GRIA1: variants seen among roughly 807,000 people sequenced by gnomAD.
GRIA1 encodes glutamate ionotropic receptor AMPA type subunit 1.
A neutral mutation model predicts 99.2 loss-of-function variants in GRIA1; 31 were observed. The observed-to-expected ratio is 0.31, with a 90% confidence interval of 0.23 to 0.42. The LOEUF (loss-of-function observed/expected upper bound fraction) is 0.42. Ranked by LOEUF, GRIA1 falls within the 10% of genes least tolerant of loss-of-function variation. The probability of loss-of-function intolerance (pLI) is 1.00; values close to 1 mark genes in which losing one functional copy is unlikely to be tolerated. For missense variants in GRIA1, 782 were observed against 1,157.5 expected (o/e 0.68, Z 4.71); for synonymous variants, 438 against 432.4 (o/e 1.01, Z -0.16).
At chr5:153,639,827 A>G (rs1753662837) in intron 2 of GRIA1, among the ~76,000 whole-genome samples, 1 of 152,230 alleles carries the variant, frequency 6.6e-6, no homozygotes, top group African/African-American at 2.4e-5. Context: ...TGGAGAGAAG[A>G]AACAGAAAAT....
At position 153,658,859 on chromosome 5, in the gene GRIA1, C is replaced by T. The variant is rs548724632; in HGVS notation, c.699+2987C>T. Among the ~76,000 whole-genome samples the T allele has an allele frequency of 3.1e-4, 47 of 152,260 alleles. 1 individual carries two copies. The South Asian group carries it at 9.1e-3, about 30-fold the overall frequency. On this transcript the variant is annotated intron_variant, in intron 5 of 15. Transcript: ENST00000285900. ...GCAGCATTCTTTTAGCAGATCACTT[C>T]GGAGGAATGCTTCTGGGGTTCAAAT... is the stretch of plus-strand genomic sequence containing the variant.
intron 11 of GRIA1, among the ~76,000 whole-genome samples, chr5:153,759,224 C>T (rs1763020842): frequency 6.7e-6 from 1 of 148,354 alleles, no homozygotes; most frequent in African/African-American, 2.5e-5. Flanking sequence ...ATCATAAAGA[C>T]CAGAACAGAA....
At chr5:153,693,816 A>G (rs1757921084) in intron 8 of GRIA1, among the ~76,000 whole-genome samples, 1 of 152,240 alleles carries the variant, frequency 6.6e-6, no homozygotes, top group African/African-American at 2.4e-5. Flanking sequence ...CTCAGTAGAG[A>G]ATCAAAGTGC....
intron 11 of GRIA1, among the ~76,000 whole-genome samples, chr5:153,750,282 C>T (rs1762427585): frequency 1.3e-5 from 2 of 152,104 alleles, no homozygotes; most frequent in African/African-American, 4.8e-5. Flanking sequence ...TTTTTTCTCC[C>T]AGTAATTTAG....
chr5:153,500,554 C>A (rs533608485), intron 2 of GRIA1, among the ~76,000 whole-genome samples: 1 of 146,962 alleles, frequency 6.8e-6, no homozygotes, highest in African/African-American at 2.5e-5. Flanking sequence ...TAGGCATAAA[C>A]CAAATCTGCC....
chr5:153,551,958 C>G (rs1428687593), intron 2 of GRIA1, among the ~76,000 whole-genome samples: 1 of 152,278 alleles, frequency 6.6e-6, no homozygotes, highest in Admixed American at 6.5e-5. Context: ...AAAGCCCCCC[C>G]TCATCCTCTC....
At chr5:153,621,829 G>C (rs1767076356) in intron 2 of GRIA1, among the ~76,000 whole-genome samples, 1 of 152,298 alleles carries the variant, frequency 6.6e-6, no homozygotes, top group African/African-American at 2.4e-5. Context: ...AGGGAAAATT[G>C]CAAGTTCCAT....
intron 2 of GRIA1, among the ~76,000 whole-genome samples, chr5:153,533,054 C>A (rs755146065): frequency 6.6e-5 from 10 of 152,120 alleles, no homozygotes; most frequent in Non-Finnish European, 1.2e-4. Flanking sequence ...GACTTGCTAG[C>A]TCTGGTGTGC....
intron 2 of GRIA1, among the ~76,000 whole-genome samples, chr5:153,586,449 T>C (rs540880786): frequency 2.0e-5 from 3 of 152,314 alleles, no homozygotes; most frequent in East Asian, 1.9e-4. Flanking sequence ...AGTCAGTGCA[T>C]GGGATTGCCA....
intron 11 of GRIA1, among the ~76,000 whole-genome samples, chr5:153,764,065 A>G: frequency 6.6e-6 from 1 of 152,210 alleles, no homozygotes; most frequent in Non-Finnish European, 1.5e-5. Flanking sequence ...ACATGTTTGC[A>G]CAAAACATTT....
At chr5:153,651,854 A>C (rs549303227) in intron 4 of GRIA1, among the ~76,000 whole-genome samples, 1 of 152,318 alleles carries the variant, frequency 6.6e-6, no homozygotes, top group African/African-American at 2.4e-5. Flanking sequence ...GCAGGATAAG[A>C]TAATAGTTAA....
At chr5:153,710,770 T>C (rs1459014981) in intron 11 of GRIA1, among the ~76,000 whole-genome samples, 1 of 152,162 alleles carries the variant, frequency 6.6e-6, no homozygotes, top group Non-Finnish European at 1.5e-5. Flanking sequence ...GGCAGGAGCC[T>C]TTGCTTCAAG....
intron 2 of GRIA1, among the ~76,000 whole-genome samples, chr5:153,599,050 T>C (rs944214258): frequency 1.1e-4 from 16 of 152,156 alleles, no homozygotes; most frequent in African/African-American, 3.4e-4. Context: ...CCTGGCTAGT[T>C]TTTTTGTATT....
intron 2 of GRIA1, among the ~76,000 whole-genome samples, chr5:153,515,452 A>T (rs1476115133): frequency 6.6e-6 from 1 of 152,184 alleles, no homozygotes; most frequent in Admixed American, 6.5e-5. Flanking sequence ...AAAGAGTAGA[A>T]TGGTGGTTGC....
intron 14 of GRIA1, chr5:153,795,384 T>C: frequency 2.7e-6 from 2 of 728,626 alleles, no homozygotes; most frequent in South Asian, 1.7e-5. Flanking sequence ...TATGATCTTG[T>C]TCAATGAATG....
At chr5:153,581,476 A>G (rs918122716) in intron 2 of GRIA1, among the ~76,000 whole-genome samples, 8 of 152,030 alleles carry the variant, frequency 5.3e-5, no homozygotes, top group African/African-American at 1.9e-4. Flanking sequence ...GTTTTCTCCT[A>G]CCTTAGGAGC....
At chr5:153,772,883 T>C (rs1451421704) in intron 13 of GRIA1, among the ~76,000 whole-genome samples, 2 of 152,164 alleles carry the variant, frequency 1.3e-5, no homozygotes, top group African/African-American at 2.4e-5. Context: ...TCCACATAAA[T>C]ACATGGATGT....
At chr5:153,551,913 T>C (rs1196322655) in intron 2 of GRIA1, among the ~76,000 whole-genome samples, 3 of 152,248 alleles carry the variant, frequency 2.0e-5, no homozygotes, top group Non-Finnish European at 4.4e-5. Flanking sequence ...GAAAATACTA[T>C]AGTCACCCTA....
intron 1 of GRIA1, 92 bp from the exon 2 acceptor site, chr5:153,493,836 G>A: frequency 1.5e-6 from 2 of 1,304,094 alleles, no homozygotes; most frequent in Non-Finnish European, 1.1e-6. Context: ...AGTTTGGCAT[G>A]GGGAGAAGAA....
Sources: allele counts gnomAD v4.1 joint callset (sites outside exome capture counted in the v4.1 genomes callset), GRCh38; gene constraint gnomAD v4.1.1; transcripts MANE v1.5; gene names NCBI Gene and HGNC (gene_info 2026-07-23, HGNC 2026-07-21).